HMGXB3: variants seen among roughly 807,000 people sequenced by gnomAD.
HMGXB3 encodes HMG domain-containing protein 3.
In HMGXB3, 45 loss-of-function variants were observed where a neutral mutation model predicts 121.5. The ratio of observed to expected loss-of-function variants is 0.37; its 90% confidence interval spans 0.29 to 0.47. The LOEUF (loss-of-function observed/expected upper bound fraction) is 0.47. Ranked by LOEUF, HMGXB3 falls within the 20% of genes least tolerant of loss-of-function variation. HMGXB3 has a pLI of 0.99. For missense variants in HMGXB3, 1,376 were observed against 1,602.2 expected (o/e 0.86, Z 2.41); for synonymous variants, 590 against 624.1 (o/e 0.95, Z 0.81).
At position 150,032,676 on chromosome 5, in the gene HMGXB3, A is replaced by C. The variant is rs192284552; in HGVS notation, c.1983+73A>C. 2,998 of 1,504,960 alleles carry C rather than the reference A, an allele frequency of 2.0e-3. 7 individuals are homozygous for C. Among genetic ancestry groups the C allele is most frequent in the Non-Finnish European group, 2.5e-3 (2,777 of 1,109,924 alleles). The allele number at this position is 1,504,960 out of a possible 1,614,324, so 93.2% of individuals were successfully genotyped here. A position where few individuals can be genotyped will look rare whatever the true frequency, so the allele number is the denominator to read the frequency against. ...TTAGTGAACCTGTCTTAGTAGAAAT[A>C]AGAAGATTTTTAAAGTACATGGTGG... is the stretch of plus-strand genomic sequence containing the variant. On this transcript the variant is annotated intron_variant, in intron 11 of 19. Coordinates refer to ENST00000502717, the MANE Select transcript of HMGXB3 (RefSeq NM_014983.3).
chr5:150,003,733 G>A (rs1197996379), intron 1 of HMGXB3, among the ~76,000 whole-genome samples: 2 of 151,948 alleles, frequency 1.3e-5, no homozygotes. Flanking sequence ...AGAGGCCAAG[G>A]TGGGCAGATC....
intron 13 of HMGXB3, among the ~76,000 whole-genome samples, chr5:150,040,077 G>A (rs954598661): frequency 1.3e-5 from 2 of 152,192 alleles, no homozygotes; most frequent in South Asian, 4.1e-4. Flanking sequence ...GTTGTGTGAG[G>A]TGTAAAGGAA....
intron 10 of HMGXB3, 72 bp from the exon 11 acceptor site, chr5:150,032,382 C>T: frequency 1.4e-6 from 2 of 1,404,892 alleles, no homozygotes. Context: ...GGCAGCTGCT[C>T]ATTCTGGTTC....
intron 9 of HMGXB3, among the ~76,000 whole-genome samples, chr5:150,029,092 C>G (rs899550839): frequency 3.3e-5 from 5 of 152,112 alleles, no homozygotes; most frequent in Admixed American, 2.6e-4. Context: ...TCCTGCCACC[C>G]AGAATGACCA....
chr5:150,047,349 C>T (rs1756780713), intron 16 of HMGXB3: 3 of 398,364 alleles, frequency 7.5e-6, no homozygotes, highest in Non-Finnish European at 1.4e-5. Context: ...TCTGAAAAAC[C>T]TTAGAAGACT....
At chr5:150,041,497 A>G (rs1178221057) in intron 14 of HMGXB3, among the ~76,000 whole-genome samples, 2 of 152,232 alleles carry the variant, frequency 1.3e-5, no homozygotes, top group East Asian at 1.9e-4. Context: ...CCTCGTTCAT[A>G]AAGAATTAAA....
chr5:150,017,414 A>T (rs1197517513), intron 5 of HMGXB3, among the ~76,000 whole-genome samples: 1 of 152,226 alleles, frequency 6.6e-6, no homozygotes, highest in Non-Finnish European at 1.5e-5. Context: ...TTCTTATCTC[A>T]CTTTCTCAGC....
At chr5:150,024,128 T>G in intron 6 of HMGXB3, 134 bp from the exon 7 acceptor site, 2 of 759,466 alleles carry the variant, frequency 2.6e-6, no homozygotes, top group Non-Finnish European at 4.0e-6. Context: ...CTTGAGATCT[T>G]AAGTTAACTT....
chr5:150,012,688 C>G lies in HMGXB3; in HGVS notation c.909+335C>G, dbSNP rs114333962. 4.3e-3 allele frequency among the ~76,000 whole-genome samples: 651 copies of G among 152,274 alleles called. 3 individuals are homozygous for G. Among genetic ancestry groups the G allele is most frequent in the African/African-American group, 0.015 (622 of 41,546 alleles). ...TTTAGGAAAATGAGCAGCCACTGAT[C>G]TAATTCAATACTGTGATCGTACAGA... On this transcript the variant is annotated intron_variant, in intron 5 of 19. Transcript: ENST00000502717.
chr5:150,024,420 C>T lies in HMGXB3; in HGVS notation c.1200C>T (p.Leu400=). 6.4e-7 allele frequency: 1 copy of T among 1,551,746 alleles called. No homozygotes were observed. Among genetic ancestry groups the T allele is most frequent in the Non-Finnish European group, 8.7e-7 (1 of 1,147,000 alleles). ...TLENSEAVSQ[L]LNVAPPREVG... is the part of the protein sequence containing the mutation. ...AGAATTCGGAAGCTGTAAGCCAGCT[C>T]CTGAACGTAGCTCCTCCCAGAGAAG... The change falls in exon 7 of 20, where the codon CTC becomes CTT. Residue 400 remains leucine, a synonymous_variant. Transcript: ENST00000502717.
intron 12 of HMGXB3, 81 bp downstream of exon 12, chr5:150,037,018 T>A (rs991376246): frequency 9.9e-6 from 12 of 1,213,504 alleles, no homozygotes; most frequent in Admixed American, 2.7e-5. Flanking sequence ...ACATTAAAAC[T>A]ATAACTGTGA....
At chr5:150,009,720 TA>T (rs1245257905) in intron 3 of HMGXB3, among the ~76,000 whole-genome samples, 4 of 152,200 alleles carry the variant, frequency 2.6e-5, no homozygotes, top group Admixed American at 1.3e-4. Context: ...AAGGAACTCA[TA>T]AATTGCCAGA....
At position 150,019,602 on chromosome 5, in the gene HMGXB3, G is replaced by A. The variant is rs115896549; in HGVS notation, c.1041+905G>A. On this transcript the variant is annotated intron_variant, in intron 6 of 19. Transcript: ENST00000502717. ...AGTAAATTCTCACCTAGTTCAGAGA[G>A]GAGAGACATTTATAAGGACTGAGAC... Among the ~76,000 whole-genome samples the A allele has an allele frequency of 1.5e-3, 226 of 152,296 alleles. 2 individuals carry two copies. In the South Asian group the frequency reaches 0.035, roughly 24 times the overall value.
Position 150,052,141 on chromosome 5 carries a change from A to G in HMGXB3, c.3828A>G (p.Thr1276=), listed in dbSNP as rs61733366. 8.0e-3 allele frequency: 12,383 copies of G among 1,550,850 alleles called. 70 individuals carry two copies. Among genetic ancestry groups the G allele is most frequent in the Non-Finnish European group, 9.7e-3 (11,077 of 1,146,504 alleles). ...LYRLGVAQIK[T]ETEEEGEEEE... is the part of the protein sequence containing the mutation. ...GCCTTGGGGTTGCTCAGATCAAGAC[A>G]GAGACAGAGGAGGAGGGTGAGGAAG... Residue 1276 remains threonine (T), a synonymous_variant, in exon 20 of 20, where the codon ACA becomes ACG. Transcript: ENST00000502717.
rs900062715 is a variant in HMGXB3, at chr5:150,052,562, G to A, written c.*370G>A. The A allele has an allele frequency of 1.3e-5, 3 of 227,830 alleles. No individual in the cohort carries two copies. The highest frequency in any genetic ancestry group is 2.2e-5 in the African/African-American group (1 of 44,710). The allele number at this position is 227,830 out of a possible 1,614,324, so 14.1% of individuals were successfully genotyped here. On this transcript the variant is annotated 3_prime_UTR_variant, in exon 20 of 20. Transcript: ENST00000502717. ...AAGGCGTGAGCCCCAGCACTAGGTGGGAAGGCTGCTGAGGTCTCTCCCACC... is the reference window on the plus strand; with the variant it reads ...AAGGCGTGAGCCCCAGCACTAGGTGAGAAGGCTGCTGAGGTCTCTCCCACC...
intron 12 of HMGXB3, 49 bp downstream of exon 12, chr5:150,036,986 A>G (rs1756515722): frequency 7.0e-7 from 1 of 1,427,118 alleles, no homozygotes; most frequent in African/African-American, 1.4e-5. Context: ...CATTTGGCTC[A>G]TACTGCTCTT....
intron 5 of HMGXB3, among the ~76,000 whole-genome samples, chr5:150,016,270 G>A (rs1755957337): frequency 6.8e-6 from 1 of 147,646 alleles, no homozygotes; most frequent in Non-Finnish European, 1.5e-5. Context: ...GGGCCCAGTA[G>A]TTGGAGGATA....
At chr5:150,040,962 C>G in intron 14 of HMGXB3, 83 bp downstream of exon 14, 2 of 1,262,284 alleles carry the variant, frequency 1.6e-6, no homozygotes, top group South Asian at 1.6e-5. Flanking sequence ...TTAAAAGACT[C>G]ATTTTGAAGA....
intron 16 of HMGXB3, among the ~76,000 whole-genome samples, 165 bp downstream of exon 16, chr5:150,045,850 AAGTT>A (rs1756743412): frequency 6.6e-6 from 1 of 152,204 alleles, no homozygotes; most frequent in African/African-American, 2.4e-5. Flanking sequence ...CTAGAGTTTA[AAGTT>A]GTGGTGCAGA....
Sources: gnomAD v4.1 joint callset for allele counts (sites outside exome capture counted in the v4.1 genomes callset) on GRCh38, gnomAD v4.1.1 for gene constraint, MANE v1.5 for transcripts, NCBI Gene and HGNC (gene_info 2026-07-23, HGNC 2026-07-21) for gene names.